Variants in FABP6 observed in about 807,000 individuals in gnomAD.
The protein encoded by FABP6 is fatty acid binding protein 6, also known as gastrotropin.
Under a neutral mutation model 14.9 loss-of-function variants are expected in FABP6, and 13 were observed. That is an observed-to-expected ratio of 0.87 (90% CI 0.57 to 1.39). The LOEUF is 1.39. Among genes scored for constraint, FABP6 ranks in the 40% most tolerant of loss-of-function variants. FABP6 has a pLI of 0.00. For missense variants in FABP6, 161 were observed against 167.2 expected (o/e 0.96, Z 0.20); for synonymous variants, 75 against 63.6 (o/e 1.18, Z -0.85).
At chr5:160,207,087 A>C (rs1057500647) in intron 2 of FABP6, among the ~76,000 whole-genome samples, 15 of 152,252 alleles carry the variant, frequency 9.9e-5, no homozygotes, top group Non-Finnish European at 1.0e-4. Context: ...TTCTAGGTAG[A>C]AGGAAAAGTG....
chr5:160,214,340 T>C (rs1286927854), intron 3 of FABP6, among the ~76,000 whole-genome samples: 2 of 151,948 alleles, frequency 1.3e-5, no homozygotes, highest in Admixed American at 6.6e-5. Context: ...ATTTTTTAAA[T>C]TTTTTGTAGA....
At chr5:160,232,947 A>G (rs1444754820) in intron 2 of FABP6, among the ~76,000 whole-genome samples, 1 of 150,280 alleles carries the variant, frequency 6.7e-6, no homozygotes, top group African/African-American at 2.5e-5. Context: ...TAGTTACACA[A>G]CAGGGGCAGG....
At chr5:160,206,202 A>C (rs1466841532) in intron 2 of FABP6, among the ~76,000 whole-genome samples, 3 of 152,136 alleles carry the variant, frequency 2.0e-5, no homozygotes, top group Non-Finnish European at 4.4e-5. Flanking sequence ...GAAGCCGAGG[A>C]GGGCAGATCA....
chr5:160,207,447 G>A (rs1354036912), intron 2 of FABP6, among the ~76,000 whole-genome samples: 2 of 152,190 alleles, frequency 1.3e-5, no homozygotes, highest in South Asian at 2.1e-4. Context: ...CCCTTCTTTT[G>A]TTTCTTTTTT....
At chr5:160,224,802 C>G (rs78458874), upstream of FABP6, among the ~76,000 whole-genome samples, 6 of 148,574 alleles carry the variant, frequency 4.0e-5, no homozygotes, top group East Asian at 4.0e-4. Flanking sequence ...TTTTTTGAGA[C>G]AGTCTTACTC....
intron 3 of FABP6, 114 bp downstream of exon 3, chr5:160,235,023 C>G (rs1474513268): frequency 1.3e-6 from 1 of 775,328 alleles, no homozygotes; most frequent in East Asian, 2.9e-5. Flanking sequence ...TCCCTTGTAC[C>G]AGGCTCTATG....
chr5:160,233,676 C>CA (rs1760440606), intron 2 of FABP6, among the ~76,000 whole-genome samples: 1 of 152,106 alleles, frequency 6.6e-6, no homozygotes, highest in South Asian at 2.1e-4. Context: ...AGTTCAGGAC[C>CA]AGACTGGCCA....
chr5:160,198,907 A>C, intron 1 of FABP6: 2 of 586,248 alleles, frequency 3.4e-6, no homozygotes. Context: ...CAGGGACCTC[A>C]CGTGTTTCTT....
intron 2 of FABP6, among the ~76,000 whole-genome samples, chr5:160,205,644 T>A (rs538099915): frequency 3.4e-4 from 52 of 152,380 alleles, no homozygotes; most frequent in African/African-American, 1.2e-3. Context: ...TTCTAGCCAA[T>A]GACATTTGGA....
At chr5:160,211,927 A>G (rs1222518005) in intron 2 of FABP6, among the ~76,000 whole-genome samples, 1 of 151,232 alleles carries the variant, frequency 6.6e-6, no homozygotes, top group East Asian at 1.9e-4. Context: ...AGCTGCTTAT[A>G]TCTCAGATAG....
In FABP6 at chr5:160,232,094, C is replaced by T. The variant is rs375206325; in HGVS notation, c.68-4C>T. The T allele has an allele frequency of 5.6e-6, 9 of 1,613,530 alleles. No individual in the cohort carries two copies. The African/African-American group carries it at 1.1e-4, about 19-fold the overall frequency. On this transcript the variant is annotated splice_polypyrimidine_tract_variant and splice_region_variant and intron_variant, in intron 1 of 3. Coordinates refer to ENST00000402432, the MANE Select transcript of FABP6 (RefSeq NM_001445.3). ...ATGGCTACTCTGCTTGTCCCCGGGT[C>T]CAGGGATCTCCAGCGATGTAATCGA...
chr5:160,226,131 A>G (rs954753546), upstream of FABP6, among the ~76,000 whole-genome samples: 2 of 150,282 alleles, frequency 1.3e-5, no homozygotes, highest in Non-Finnish European at 3.0e-5. Flanking sequence ...TCGAGATGTG[A>G]CACTGCACTC....
intron 1 of FABP6, among the ~76,000 whole-genome samples, chr5:160,192,299 C>G (rs1426758540): frequency 6.6e-6 from 1 of 151,004 alleles, no homozygotes; most frequent in East Asian, 2.0e-4. Context: ...GTGGCTGATA[C>G]TACAGGCTCA....
chr5:160,200,493 A>G (rs1288146704), intron 2 of FABP6, among the ~76,000 whole-genome samples: 2 of 151,472 alleles, frequency 1.3e-5, no homozygotes, highest in African/African-American at 4.9e-5. Flanking sequence ...GCTCACTGCA[A>G]CATCTGCCTC....
rs895030908 is a variant in FABP6, at chr5:160,238,599, C to T, written c.334-7C>T. 7 of 1,613,680 alleles carry T rather than the reference C, an allele frequency of 4.3e-6. No individual in the cohort carries two copies. The African/African-American group carries it at 9.3e-5, about 22-fold the overall frequency. Reference sequence around the variant, plus strand: ...CTGACTCCCTCTGTCCCGGCTGCTTCTTTCAGGTCTCCACCATCGGAGGCG... The same window carrying T: ...CTGACTCCCTCTGTCCCGGCTGCTTTTTTCAGGTCTCCACCATCGGAGGCG... On this transcript the variant is annotated splice_polypyrimidine_tract_variant and splice_region_variant and intron_variant, in intron 3 of 3. Transcript: ENST00000402432.
At chr5:160,194,197 A>G (rs2112591) in intron 1 of FABP6, among the ~76,000 whole-genome samples, 134,761 of 152,300 alleles carry the variant, frequency 0.88, 59,768 homozygotes, top group Non-Finnish European at 0.92. Flanking sequence ...CCAGTGCGGG[A>G]CCCACCAAGC....
rs1760322553 is a variant in FABP6 at position 160,229,556 on chromosome 5, G to A, written c.-2G>A. On this transcript the variant is annotated 5_prime_UTR_variant, in exon 1 of 4. Coordinates refer to ENST00000402432, the MANE Select transcript of FABP6 (RefSeq NM_001445.3). ...CTCTCTGGCCTCCAGCCTCCCAGCA[G>A]CATGGCTTTCACCGGCAAGTTCGAG... is the stretch of plus-strand genomic sequence containing the variant. 1 of 1,614,036 alleles carries A rather than the reference G, an allele frequency of 6.2e-7. No homozygotes were observed. The highest frequency in any genetic ancestry group is 8.5e-7 in the Non-Finnish European group (1 of 1,179,936).
intron 3 of FABP6, among the ~76,000 whole-genome samples, chr5:160,224,328 G>A (rs1342643885): frequency 6.6e-6 from 1 of 152,228 alleles, no homozygotes; most frequent in Non-Finnish European, 1.5e-5. Flanking sequence ...TGAGCCTGAG[G>A]TGGAGGATTG....
chr5:160,231,987 C>T lies in FABP6; in HGVS notation c.68-111C>T, dbSNP rs187582756. ...CTGTGCTCTTAACCTGCAGGCTAGC[C>T]TATCATGCACAAGGGGGTAGGGCGG... On this transcript the variant is annotated intron_variant, in intron 1 of 3. Coordinates refer to ENST00000402432, the MANE Select transcript of FABP6 (RefSeq NM_001445.3). 7.7e-5 allele frequency: 97 copies of T among 1,256,268 alleles called. No homozygotes were observed. In the African/African-American group the frequency reaches 1.3e-3, roughly 17 times the overall value. The allele number at this position is 1,256,268 out of a possible 1,614,324, so 77.8% of individuals were successfully genotyped here.
Sources: allele counts gnomAD v4.1 joint callset (sites outside exome capture counted in the v4.1 genomes callset), GRCh38; gene constraint gnomAD v4.1.1; transcripts MANE v1.5; gene names NCBI Gene and HGNC (gene_info 2026-07-23, HGNC 2026-07-21).